Variants in DGKI observed in about 807,000 individuals in gnomAD.
The protein encoded by DGKI is DAG kinase iota.
DGKI carries 55 observed loss-of-function variants against 147.5 expected under a neutral mutation model. The ratio of observed to expected loss-of-function variants is 0.37; its 90% CI spans 0.30 to 0.47. The LOEUF is 0.47. Ranked by LOEUF, DGKI falls within the 20% of genes least tolerant of loss-of-function variation. DGKI has a pLI of 1.00. For missense variants in DGKI, 1,007 were observed against 1,323.8 expected (o/e 0.76, Z 3.71); for synonymous variants, 469 against 477.1 (o/e 0.98, Z 0.22).
chr7:137,518,517 T>C (rs1417162193), intron 21 of DGKI, among the ~76,000 whole-genome samples: 1 of 152,122 alleles, frequency 6.6e-6, no homozygotes, highest in Non-Finnish European at 1.5e-5. Context: ...AGATCATGTA[T>C]GTAAAAGCAT....
In DGKI at chr7:137,385,754, C is replaced by T. The variant is rs538415399; in HGVS notation, c.*5466G>A. 7 of 152,218 alleles carry T rather than the reference C, an allele frequency of 4.6e-5. No homozygotes were observed. In the East Asian group the frequency reaches 1.4e-3, roughly 29 times the overall value. The allele number at this position is 152,218 out of a possible 1,614,324, so 9.4% of individuals were successfully genotyped here. On this transcript the variant is annotated 3_prime_UTR_variant, in exon 33 of 33. Coordinates refer to ENST00000614521, the MANE Select transcript of DGKI (RefSeq NM_001321708.2). ...AAATGGAAATGCAAAATATTATTCT[C>T]TTCCTACTTATGTTTTCATTGAACC... is the stretch of plus-strand genomic sequence containing the variant.
At chr7:137,781,581 A>T (rs1042238859) in intron 1 of DGKI, among the ~76,000 whole-genome samples, 1 of 152,196 alleles carries the variant, frequency 6.6e-6, no homozygotes. Flanking sequence ...AGGGAAGCTG[A>T]CCACTCTCCT....
intron 5 of DGKI, among the ~76,000 whole-genome samples, chr7:137,652,989 C>T (rs577657547): frequency 6.6e-6 from 1 of 152,340 alleles, no homozygotes; most frequent in South Asian, 2.1e-4. Context: ...TATTGGGCAT[C>T]TCCAGTTGAG....
intron 22 of DGKI, among the ~76,000 whole-genome samples, chr7:137,487,025 G>A (rs1278368607): frequency 1.3e-5 from 2 of 152,172 alleles, no homozygotes; most frequent in African/African-American, 2.4e-5. Context: ...TTGTAATGAT[G>A]AGTTTGGGTC....
intron 1 of DGKI, among the ~76,000 whole-genome samples, chr7:137,758,564 T>C (rs1040029687): frequency 6.6e-6 from 1 of 152,066 alleles, no homozygotes; most frequent in African/African-American, 2.4e-5. Flanking sequence ...TGAGTGCCTG[T>C]AATCCCAGCT....
At position 137,629,247 on chromosome 7, in the gene DGKI, T is replaced by C. The variant is rs990742501; in HGVS notation, c.805-5693A>G. On this transcript the variant is annotated intron_variant, in intron 6 of 32. Transcript: ENST00000614521. ...TTGAAAAAAAAAAAGTACTTTTATG[T>C]ATTTTATATTTCATCTCTAAAATGT... Among the ~76,000 whole-genome samples the C allele has an allele frequency of 3.9e-5, 6 of 152,360 alleles. No homozygotes were observed. In the East Asian group the frequency reaches 1.2e-3, roughly 29 times the overall value.
chr7:137,641,971 A>G (rs778247480), intron 6 of DGKI, among the ~76,000 whole-genome samples: 4 of 152,236 alleles, frequency 2.6e-5, no homozygotes, highest in Non-Finnish European at 5.9e-5. Flanking sequence ...TTGAAGCACT[A>G]TAGACAACTC....
intron 30 of DGKI, among the ~76,000 whole-genome samples, chr7:137,405,670 A>G (rs1172251085): frequency 6.6e-6 from 1 of 152,316 alleles, no homozygotes; most frequent in East Asian, 1.9e-4. Flanking sequence ...AGAATGCAGT[A>G]GAGATCATCC....
At chr7:137,787,719 C>T (rs971995470) in intron 1 of DGKI, among the ~76,000 whole-genome samples, 5 of 152,156 alleles carry the variant, frequency 3.3e-5, no homozygotes, top group Admixed American at 2.6e-4. Context: ...AAATGCCCAT[C>T]AATCAATGAG....
intron 21 of DGKI, among the ~76,000 whole-genome samples, chr7:137,507,615 G>A (rs147340454): frequency 6.8e-4 from 104 of 152,250 alleles, no homozygotes; most frequent in African/African-American, 2.3e-3. Context: ...TATTTTTCAC[G>A]TCTATAAGTC....
rs569382004 is a variant in DGKI at position 137,583,282 on chromosome 7, G to A, written c.1564-1354C>T. On this transcript the variant is annotated intron_variant, in intron 14 of 32. Coordinates refer to ENST00000614521, the MANE Select transcript of DGKI (RefSeq NM_001321708.2). The stretch of plus-strand genomic sequence containing the variant: ...AGAGAAACTAAACACATAGAACAAT[G>A]CCAAAATCATGTCTTACTCTTCAGC... Among the ~76,000 whole-genome samples the A allele has an allele frequency of 8.5e-5, 13 of 152,164 alleles. No individual in the cohort carries two copies. In the South Asian group the frequency reaches 2.7e-3, roughly 32 times the overall value.
chr7:137,573,580 T>C (rs1027619781), intron 17 of DGKI, among the ~76,000 whole-genome samples: 1 of 152,188 alleles, frequency 6.6e-6, no homozygotes, highest in African/African-American at 2.4e-5. Context: ...AATTTTTGTA[T>C]TTTTAGTAGA....
chr7:137,477,162 A>G (rs962013217), intron 23 of DGKI, among the ~76,000 whole-genome samples: 1 of 152,130 alleles, frequency 6.6e-6, no homozygotes, highest in Non-Finnish European at 1.5e-5. Context: ...CTCTCTTCCC[A>G]CTTCCCACCA....
At chr7:137,583,700 C>CA (rs1254688163) in intron 14 of DGKI, among the ~76,000 whole-genome samples, 1 of 152,018 alleles carries the variant, frequency 6.6e-6, no homozygotes, top group Non-Finnish European at 1.5e-5. Flanking sequence ...ATTTCTATTG[C>CA]ACGTCTAACT....
chr7:137,606,138 T>C (rs1329457520), intron 10 of DGKI, among the ~76,000 whole-genome samples: 1 of 152,158 alleles, frequency 6.6e-6, no homozygotes, highest in Non-Finnish European at 1.5e-5. Context: ...ATGGGATTTC[T>C]TAAAAGAGAG....
Position 137,385,708 on chromosome 7 carries a change from A to G in DGKI, c.*5512T>C, listed in dbSNP as rs1811159742. 6.6e-6 allele frequency: 1 copy of G among 152,132 alleles called. No individual in the cohort carries two copies. Among genetic ancestry groups the G allele is most frequent in the Admixed American group, 6.6e-5 (1 of 15,248 alleles). The allele number at this position is 152,132 out of a possible 1,614,324, so 9.4% of individuals were successfully genotyped here. On this transcript the variant is annotated 3_prime_UTR_variant, in exon 33 of 33. Coordinates refer to ENST00000614521, the MANE Select transcript of DGKI (RefSeq NM_001321708.2). The stretch of plus-strand genomic sequence containing the variant: ...ATCTTAGTTTCAGATACATTTTTAG[A>G]AATCTACTATGACTCCAGTAAAATG...
At chr7:137,777,885 T>C (rs1225480660) in intron 1 of DGKI, among the ~76,000 whole-genome samples, 1 of 152,148 alleles carries the variant, frequency 6.6e-6, no homozygotes, top group Non-Finnish European at 1.5e-5. Context: ...TATTTGGGAA[T>C]GACCAGATAC....
At chr7:137,557,648 G>C (rs1368014798) in intron 19 of DGKI, among the ~76,000 whole-genome samples, 1 of 152,164 alleles carries the variant, frequency 6.6e-6, no homozygotes, top group African/African-American at 2.4e-5. Flanking sequence ...TTCTCAATCA[G>C]TGTCTGGCAA....
rs371854603 is a variant in DGKI at position 137,789,093 on chromosome 7, A to G, written c.401+57369T>C. ...TTATTCACCCATAACACAGGTCTCA[A>G]TGAAAGTTTGGGGAATAACTGAAAG... On this transcript the variant is annotated intron_variant, in intron 1 of 32. Transcript: ENST00000614521. Among the ~76,000 whole-genome samples the G allele has an allele frequency of 1.8e-3, 271 of 152,334 alleles. 7 individuals carry two copies. In the South Asian group the frequency reaches 0.044, roughly 25 times the overall value.
Sources: allele counts gnomAD v4.1 joint callset (sites outside exome capture counted in the v4.1 genomes callset), GRCh38; gene constraint gnomAD v4.1.1; transcripts MANE v1.5; gene names NCBI Gene and HGNC (gene_info 2026-07-23, HGNC 2026-07-21).